Variants in SHISA9 observed in about 807,000 individuals in gnomAD.
SHISA9 encodes protein shisa-9.
SHISA9 carries 13 observed loss-of-function variants against 38.0 expected under a neutral mutation model. The observed-to-expected ratio is 0.34, with a 90% CI of 0.22 to 0.54. SHISA9 has a LOEUF of 0.54. Ranked by LOEUF, SHISA9 falls within the 20% of genes least tolerant of loss-of-function variation. SHISA9 has a pLI of 0.91. For missense variants in SHISA9, 538 were observed against 575.8 expected (o/e 0.93, Z 0.67); for synonymous variants, 275 against 242.0 (o/e 1.14, Z -1.27).
chr16:13,313,446 C>T, the SHISA9 span, among the ~76,000 whole-genome samples: 2 of 152,066 alleles, frequency 1.3e-5, no homozygotes, highest in Admixed American at 1.3e-4. Flanking sequence ...AGCAGGAAAT[C>T]AACAGATAAT....
Position 13,177,519 on chromosome 16 carries a change from A to G in SHISA9, c.692-25875A>G, listed in dbSNP as rs570556527. ...GTGAATTAGGCAAGACTAGTGCTCA[A>G]TACTTCTACTTTTATTTTATTTTTT... On this transcript the variant is annotated intron_variant, in intron 2 of 4. Transcript: ENST00000558583. Among the ~76,000 whole-genome samples, 3 of 152,138 alleles carry G rather than the reference A, an allele frequency of 2.0e-5. No homozygotes were observed. The South Asian group carries it at 6.2e-4, about 32-fold the overall frequency.
chr16:13,401,947 G>T, the SHISA9 span, among the ~76,000 whole-genome samples: 1 of 152,104 alleles, frequency 6.6e-6, no homozygotes, highest in Non-Finnish European at 1.5e-5. Flanking sequence ...CAGATCTCAT[G>T]AGACTCATCC....
the SHISA9 span, among the ~76,000 whole-genome samples, chr16:13,270,760 A>G: frequency 6.6e-6 from 1 of 152,244 alleles, no homozygotes; most frequent in Admixed American, 6.5e-5. Flanking sequence ...CTGTCACTAA[A>G]TATGATTTTT....
At chr16:13,421,849 C>T in the SHISA9 span, among the ~76,000 whole-genome samples, 3 of 152,140 alleles carry the variant, frequency 2.0e-5, no homozygotes, top group African/African-American at 4.8e-5. Flanking sequence ...CCAAACGAAT[C>T]CCAGGTTGGG....
At chr16:13,081,798 G>A (rs2073653190) in intron 2 of SHISA9, among the ~76,000 whole-genome samples, 1 of 151,532 alleles carries the variant, frequency 6.6e-6, no homozygotes, top group Middle Eastern at 3.2e-3. Flanking sequence ...GTTGCAGTGA[G>A]GCAAGATTGC....
intron 2 of SHISA9, among the ~76,000 whole-genome samples, chr16:13,053,567 G>A (rs1412718060): frequency 6.6e-6 from 1 of 152,154 alleles, no homozygotes; most frequent in African/African-American, 2.4e-5. Flanking sequence ...ATTAAAATCT[G>A]GACTCTACCC....
chr16:12,974,399 A>G (rs1178557459), intron 2 of SHISA9, among the ~76,000 whole-genome samples: 1 of 151,972 alleles, frequency 6.6e-6, no homozygotes, highest in East Asian at 1.9e-4. Context: ...ACTCCCTAAA[A>G]ACACAGACTA....
chr16:13,529,330 A>G, the SHISA9 span, among the ~76,000 whole-genome samples: 1 of 152,232 alleles, frequency 6.6e-6, no homozygotes, highest in African/African-American at 2.4e-5. Context: ...CACGATGATT[A>G]GCTGACTTTA....
At chr16:13,209,859 T>C (rs2051100756) in intron 3 of SHISA9, among the ~76,000 whole-genome samples, 1 of 152,208 alleles carries the variant, frequency 6.6e-6, no homozygotes, top group African/African-American at 2.4e-5. Context: ...TCCAGCACTT[T>C]GGGAGGCCAA....
At chr16:13,055,671 A>G (rs757885226) in intron 2 of SHISA9, among the ~76,000 whole-genome samples, 1 of 151,958 alleles carries the variant, frequency 6.6e-6, no homozygotes, top group Non-Finnish European at 1.5e-5. Flanking sequence ...CTCCATGCCC[A>G]CTCACCCTCT....
At chr16:13,188,606 A>G (rs1185101530) in intron 2 of SHISA9, among the ~76,000 whole-genome samples, 1 of 151,628 alleles carries the variant, frequency 6.6e-6, no homozygotes, top group Non-Finnish European at 1.5e-5. Context: ...AGTCCCAGCA[A>G]CTCAGGAGGC....
chr16:13,015,461 G>T (rs2072729912), intron 2 of SHISA9, among the ~76,000 whole-genome samples: 1 of 152,230 alleles, frequency 6.6e-6, no homozygotes, highest in African/African-American at 2.4e-5. Flanking sequence ...TGGGAGATCC[G>T]ATGTTTGGAC....
chr16:13,000,600 C>A (rs1163621670), intron 2 of SHISA9, among the ~76,000 whole-genome samples: 2 of 152,152 alleles, frequency 1.3e-5, no homozygotes, highest in Non-Finnish European at 2.9e-5. Flanking sequence ...AGGTGTCAGC[C>A]TGTAGCAGGA....
the SHISA9 span, among the ~76,000 whole-genome samples, chr16:13,388,972 AT>A: frequency 6.6e-6 from 1 of 152,160 alleles, no homozygotes; most frequent in Non-Finnish European, 1.5e-5. Context: ...AGTAGAAGGT[AT>A]AGAGTTCCCA....
chr16:13,079,420 G>A (rs1397875137), intron 2 of SHISA9, among the ~76,000 whole-genome samples: 1 of 152,108 alleles, frequency 6.6e-6, no homozygotes, highest in East Asian at 1.9e-4. Context: ...TTTGTTGTTA[G>A]CATTCTAGAA....
chr16:13,448,662 A>G, the SHISA9 span, among the ~76,000 whole-genome samples: 1 of 152,228 alleles, frequency 6.6e-6, no homozygotes, highest in Non-Finnish European at 1.5e-5. Flanking sequence ...GTGATTTCTG[A>G]GGTCGCCTAT....
intron 2 of SHISA9, among the ~76,000 whole-genome samples, chr16:13,071,577 C>CT (rs148817728): frequency 7.3e-6 from 1 of 136,592 alleles, no homozygotes; most frequent in African/African-American, 3.4e-5. Flanking sequence ...TCCTCCCTTC[C>CT]TCCCTTCCTT....
At chr16:13,037,481 G>A (rs1044682797) in intron 2 of SHISA9, among the ~76,000 whole-genome samples, 1 of 152,000 alleles carries the variant, frequency 6.6e-6, no homozygotes, top group African/African-American at 2.4e-5. Flanking sequence ...GTGAGGGAGA[G>A]TGCAAGTTAT....
chr16:13,081,098 A>G (rs900734092), intron 2 of SHISA9, among the ~76,000 whole-genome samples: 9 of 152,206 alleles, frequency 5.9e-5, no homozygotes, highest in African/African-American at 2.2e-4. Flanking sequence ...GAGATACAAA[A>G]ACATTCAAAT....
Sources: gnomAD v4.1 joint callset for allele counts (sites outside exome capture counted in the v4.1 genomes callset) on GRCh38, gnomAD v4.1.1 for gene constraint, MANE v1.5 for transcripts, NCBI Gene and HGNC (gene_info 2026-07-23, HGNC 2026-07-21) for gene names.